Variants in MAN1A2 observed in about 807,000 individuals in gnomAD.
MAN1A2 encodes mannosyl-oligosaccharide 1,2-alpha-mannosidase IB.
A neutral mutation model predicts 75.7 loss-of-function variants in MAN1A2; 26 were observed. The ratio of observed to expected loss-of-function variants is 0.34; its 90% CI spans 0.25 to 0.48. The LOEUF (loss-of-function observed/expected upper bound fraction) is 0.48. MAN1A2 is among the 20% of genes least tolerant of loss of function. MAN1A2 has a pLI of 0.99. For missense variants in MAN1A2, 562 were observed against 775.5 expected (o/e 0.72, Z 3.27); for synonymous variants, 247 against 264.6 (o/e 0.93, Z 0.65).
intron 1 of MAN1A2, among the ~76,000 whole-genome samples, chr1:117,395,241 CAGTA>C (rs1469705893): frequency 1.3e-5 from 2 of 152,178 alleles, no homozygotes; most frequent in Non-Finnish European, 2.9e-5. Flanking sequence ...AGTATCTGCA[CAGTA>C]AGTGTGAGAA....
intron 6 of MAN1A2, among the ~76,000 whole-genome samples, chr1:117,442,876 A>G (rs1243597366): frequency 1.3e-5 from 2 of 152,202 alleles, no homozygotes; most frequent in Non-Finnish European, 2.9e-5. Context: ...ATCAATCTTT[A>G]TAATCTGTTT....
At chr1:117,388,788 G>A (rs1449305884) in intron 1 of MAN1A2, among the ~76,000 whole-genome samples, 1 of 152,130 alleles carries the variant, frequency 6.6e-6, no homozygotes, top group Non-Finnish European at 1.5e-5. Context: ...TGGGGCCAAG[G>A]TCTGCACAAA....
At chr1:117,446,651 C>T (rs970965061) in intron 6 of MAN1A2, among the ~76,000 whole-genome samples, 4 of 152,084 alleles carry the variant, frequency 2.6e-5, no homozygotes, top group Admixed American at 2.0e-4. Flanking sequence ...ATAAAAATTA[C>T]AATTTGAATC....
At chr1:117,405,726 C>T in intron 3 of MAN1A2, 81 bp downstream of exon 3, 2 of 845,406 alleles carry the variant, frequency 2.4e-6, no homozygotes, top group Non-Finnish European at 4.0e-6. Flanking sequence ...AAAGTACTTT[C>T]TAAAATCTGA....
intron 12 of MAN1A2, among the ~76,000 whole-genome samples, chr1:117,510,254 C>T (rs1006065734): frequency 1.3e-5 from 2 of 151,942 alleles, no homozygotes; most frequent in East Asian, 1.9e-4. Flanking sequence ...GTGGCATGTG[C>T]ATTTGACATA....
At chr1:117,370,803 T>G (rs58433227) in intron 1 of MAN1A2, among the ~76,000 whole-genome samples, 39,149 of 151,170 alleles carry the variant, frequency 0.26, 5,709 homozygotes, top group East Asian at 0.47. Flanking sequence ...GAATGTTACT[T>G]TAACTAATAA....
At chr1:117,521,090 C>T (rs1166863639) in intron 12 of MAN1A2, among the ~76,000 whole-genome samples, 1 of 152,018 alleles carries the variant, frequency 6.6e-6, no homozygotes, top group Non-Finnish European at 1.5e-5. Flanking sequence ...ACAAACGGTG[C>T]TGTGATAATT....
intron 1 of MAN1A2, among the ~76,000 whole-genome samples, chr1:117,373,414 A>G (rs1483183935): frequency 1.3e-5 from 2 of 149,846 alleles, no homozygotes; most frequent in East Asian, 3.9e-4. Context: ...TCAGACATGA[A>G]TTATTGTGAG....
In MAN1A2 at chr1:117,416,293, A is replaced by AT. The variant is rs549798395; in HGVS notation, c.774+1470dup. Among the ~76,000 whole-genome samples the AT allele has an allele frequency of 7.9e-5, 12 of 151,844 alleles. No homozygotes were observed. In the South Asian group the frequency reaches 8.4e-4, roughly 11 times the overall value. Reference sequence around the variant, plus strand: ...TCAATACTAAACTATCTTAACTACAATTTTTTTTATAAGAAGCTTGATGTC... The same window carrying AT: ...TCAATACTAAACTATCTTAACTACAATTTTTTTTTATAAGAAGCTTGATGTC... On this transcript the variant is annotated intron_variant, in intron 4 of 12. Coordinates refer to ENST00000356554, the MANE Select transcript of MAN1A2 (RefSeq NM_006699.5).
chr1:117,411,877 T>C (rs946634927), intron 3 of MAN1A2, among the ~76,000 whole-genome samples: 2 of 151,852 alleles, frequency 1.3e-5, no homozygotes, highest in Admixed American at 6.6e-5. Context: ...ATTGGGAATG[T>C]AAAATGGTAC....
chr1:117,400,960 G>T (rs1363769303), intron 1 of MAN1A2, among the ~76,000 whole-genome samples: 1 of 151,834 alleles, frequency 6.6e-6, no homozygotes, highest in East Asian at 1.9e-4. Context: ...TCCATTTCCA[G>T]AACTCTTTTC....
At chr1:117,464,154 T>C (rs1408439860) in intron 7 of MAN1A2, among the ~76,000 whole-genome samples, 1 of 151,570 alleles carries the variant, frequency 6.6e-6, no homozygotes, top group African/African-American at 2.4e-5. Flanking sequence ...TCGCTTGAGC[T>C]CAGGAATTCG....
intron 8 of MAN1A2, among the ~76,000 whole-genome samples, chr1:117,479,935 A>G (rs552644434): frequency 6.6e-6 from 1 of 151,974 alleles, no homozygotes; most frequent in African/African-American, 2.4e-5. Flanking sequence ...AGGATTTTTT[A>G]GGTGAATCTG....
intron 3 of MAN1A2, among the ~76,000 whole-genome samples, chr1:117,413,867 G>C (rs1056633854): frequency 2.0e-5 from 3 of 151,852 alleles, no homozygotes; most frequent in Non-Finnish European, 4.4e-5. Flanking sequence ...TGTACTACTA[G>C]ATTTTTTACT....
chr1:117,475,472 G>A (rs929268644), intron 8 of MAN1A2, among the ~76,000 whole-genome samples: 3 of 151,638 alleles, frequency 2.0e-5, no homozygotes, highest in Non-Finnish European at 2.9e-5. Flanking sequence ...CCATCAACTC[G>A]TCATCTACGT....
chr1:117,372,695 A>G (rs941798808), intron 1 of MAN1A2, among the ~76,000 whole-genome samples: 1 of 152,182 alleles, frequency 6.6e-6, no homozygotes, highest in African/African-American at 2.4e-5. Context: ...GCTAATATAC[A>G]TAAAGTAATA....
At chr1:117,429,960 G>T (rs1481366537) in intron 5 of MAN1A2, among the ~76,000 whole-genome samples, 41 of 76,966 alleles carry the variant, frequency 5.3e-4, no homozygotes, top group Non-Finnish European at 9.6e-4. Flanking sequence ...ACCTCCAGAC[G>T]GGGCGGCTGG....
chr1:117,427,868 T>C (rs964038211), intron 5 of MAN1A2, among the ~76,000 whole-genome samples: 8 of 152,318 alleles, frequency 5.3e-5, no homozygotes, highest in African/African-American at 1.9e-4. Flanking sequence ...CATTTTATAT[T>C]GGGTTATAAC....
chr1:117,422,583 A>G (rs1648231993), intron 5 of MAN1A2, among the ~76,000 whole-genome samples: 1 of 152,146 alleles, frequency 6.6e-6, no homozygotes, highest in South Asian at 2.1e-4. Flanking sequence ...AGTACTTTGT[A>G]TTGTGAGTCT....
Sources: gnomAD v4.1 joint callset for allele counts (sites outside exome capture counted in the v4.1 genomes callset) on GRCh38, gnomAD v4.1.1 for gene constraint, MANE v1.5 for transcripts, NCBI Gene and HGNC (gene_info 2026-07-23, HGNC 2026-07-21) for gene names.